Variants in CSMD1 observed in about 807,000 individuals in gnomAD.
The protein encoded by CSMD1 is CUB and sushi domain-containing protein 1.
CSMD1 carries 213 observed loss-of-function variants against 417.5 expected under a neutral mutation model. That is an observed-to-expected ratio of 0.51 (90% CI 0.46 to 0.57). CSMD1 has a LOEUF of 0.57. Ranked by LOEUF, CSMD1 falls within the 20% of genes least tolerant of loss-of-function variation. The pLI, the probability that CSMD1 is intolerant of heterozygous loss-of-function variation, is 0.00. For synonymous variants in CSMD1, 2,862 were observed against 1,736.8 expected, an observed-to-expected ratio of 1.65 and a Z score of -16.11; for missense variants, 6,923 against 4,529.7, an observed-to-expected ratio of 1.53 and a Z score of -15.17.
rs749624840 is a variant in CSMD1, at chr8:3,091,545, C to CTGG, written c.7253_7255dup (p.Thr2418dup). 1 of 1,606,846 alleles carries CTGG rather than the reference C, an allele frequency of 6.2e-7. No individual in the cohort carries two copies. Among genetic ancestry groups the CTGG allele is most frequent in the Non-Finnish European group, 8.5e-7 (1 of 1,178,332 alleles). ...ATAGCGAATCTTGAATCCTTTCTTA[C>CTGG]TGGTGGCATGGTCAGTGGACCAGCG... On this transcript the variant is annotated inframe_insertion, in exon 48 of 70. Coordinates refer to ENST00000635120, the MANE Select transcript of CSMD1 (RefSeq NM_033225.6).
intron 5 of CSMD1, among the ~76,000 whole-genome samples, chr8:3,777,916 C>G (rs13439845): frequency 6.7e-6 from 1 of 148,484 alleles, no homozygotes; most frequent in Non-Finnish European, 1.5e-5. Context: ...ACTCCAGACC[C>G]GCAGCCTCCT....
intron 27 of CSMD1, 138 bp downstream of exon 27, chr8:3,229,902 G>C: frequency 1.7e-6 from 1 of 588,064 alleles, no homozygotes; most frequent in Non-Finnish European, 2.8e-6. Context: ...TAAAATTTCA[G>C]GAGTCTCAGA....
At chr8:4,837,105 A>C (rs1285707891) in intron 1 of CSMD1, among the ~76,000 whole-genome samples, 1 of 152,148 alleles carries the variant, frequency 6.6e-6, no homozygotes, top group Non-Finnish European at 1.5e-5. Flanking sequence ...GGCTTCACTA[A>C]GTAATCTGAT....
chr8:3,833,702 T>A (rs1802500098), intron 5 of CSMD1, among the ~76,000 whole-genome samples: 1 of 152,178 alleles, frequency 6.6e-6, no homozygotes, highest in Non-Finnish European at 1.5e-5. Flanking sequence ...TCTTTCTGAC[T>A]GGTTACATAT....
At chr8:4,230,710 T>G (rs1801669768) in intron 3 of CSMD1, among the ~76,000 whole-genome samples, 1 of 152,202 alleles carries the variant, frequency 6.6e-6, no homozygotes, top group Non-Finnish European at 1.5e-5. Context: ...TCCTAGACCT[T>G]TAATGACTAT....
At chr8:3,757,072 G>A (rs1249261286) in intron 5 of CSMD1, among the ~76,000 whole-genome samples, 2 of 152,106 alleles carry the variant, frequency 1.3e-5, no homozygotes, top group Non-Finnish European at 2.9e-5. Flanking sequence ...CAGAGTGCTG[G>A]GATTACAGGC....
intron 37 of CSMD1, among the ~76,000 whole-genome samples, chr8:3,168,655 A>AG (rs1563105188): frequency 1.1e-3 from 174 of 151,614 alleles, no homozygotes; most frequent in Middle Eastern, 6.8e-3. Context: ...ACACACACAA[A>AG]TATATATATA....
At chr8:3,197,326 G>A (rs1472869662) in intron 33 of CSMD1, among the ~76,000 whole-genome samples, 5 of 152,160 alleles carry the variant, frequency 3.3e-5, no homozygotes, top group African/African-American at 1.2e-4. Context: ...CTGTTAACAA[G>A]GGTTAGCTAT....
chr8:4,638,378 G>A (rs910431101), intron 1 of CSMD1, among the ~76,000 whole-genome samples: 2 of 152,168 alleles, frequency 1.3e-5, no homozygotes, highest in Non-Finnish European at 2.9e-5. Flanking sequence ...GCCTGTGCTG[G>A]CAAATGTCTT....
At chr8:3,581,180 T>C (rs1368939010) in intron 9 of CSMD1, among the ~76,000 whole-genome samples, 1 of 152,204 alleles carries the variant, frequency 6.6e-6, no homozygotes, top group Non-Finnish European at 1.5e-5. Flanking sequence ...CTGAACATTT[T>C]ACTTAAAAAA....
chr8:3,121,720 G>C (rs941684065), intron 41 of CSMD1, among the ~76,000 whole-genome samples: 1 of 152,102 alleles, frequency 6.6e-6, no homozygotes, highest in Non-Finnish European at 1.5e-5. Context: ...GACTGCTTAA[G>C]GCCAGGAGTC....
At chr8:3,681,513 C>T (rs1330472879) in intron 7 of CSMD1, among the ~76,000 whole-genome samples, 1 of 152,132 alleles carries the variant, frequency 6.6e-6, no homozygotes, top group East Asian at 1.9e-4. Flanking sequence ...AGGAGAATTA[C>T]AAACCACTGC....
chr8:4,926,344 G>C lies in CSMD1; in HGVS notation c.85+67988C>G, dbSNP rs187986961. Among the ~76,000 whole-genome samples the C allele has an allele frequency of 1.2e-4, 19 of 152,216 alleles. No individual in the cohort carries two copies. The South Asian group carries it at 3.7e-3, about 30-fold the overall frequency. On this transcript the variant is annotated intron_variant, in intron 1 of 69. Transcript: ENST00000635120. ...CCTATAATTTTGTGTAATAACCTTT[G>C]CTCTGACCCCACCATGAACTCTTTA...
At chr8:4,486,119 A>C (rs1801366961) in intron 2 of CSMD1, among the ~76,000 whole-genome samples, 1 of 66,416 alleles carries the variant, frequency 1.5e-5, no homozygotes. Flanking sequence ...GTATATATAC[A>C]TACATATATA....
At chr8:4,976,518 G>T (rs1398870430) in intron 1 of CSMD1, among the ~76,000 whole-genome samples, 1 of 151,970 alleles carries the variant, frequency 6.6e-6, no homozygotes, top group Non-Finnish European at 1.5e-5. Context: ...TACCTCTGTG[G>T]CATGCCTAGC....
Position 3,514,457 on chromosome 8 carries a change from T to C in CSMD1, c.1345-20731A>G, listed in dbSNP as rs577149793. Among the ~76,000 whole-genome samples, 16 of 152,242 alleles carry C rather than the reference T, an allele frequency of 1.1e-4. No individual in the cohort carries two copies. The South Asian group carries it at 1.2e-3, about 12-fold the overall frequency. ...GTTATCCCCATCTGCTCACGGGTCA[T>C]CCCCACTGAAGAACCCAGGCTTCAA... is the stretch of plus-strand genomic sequence containing the variant. On this transcript the variant is annotated intron_variant, in intron 10 of 69. Coordinates refer to ENST00000635120, the MANE Select transcript of CSMD1 (RefSeq NM_033225.6).
At chr8:3,479,225 C>G (rs1413357876) in intron 11 of CSMD1, among the ~76,000 whole-genome samples, 1 of 152,148 alleles carries the variant, frequency 6.6e-6, no homozygotes, top group Non-Finnish European at 1.5e-5. Context: ...AAGGTACTTG[C>G]TTGCTAAAAT....
intron 3 of CSMD1, among the ~76,000 whole-genome samples, chr8:4,192,041 A>G (rs1237400747): frequency 1.3e-5 from 2 of 152,182 alleles, no homozygotes; most frequent in Non-Finnish European, 2.9e-5. Context: ...TCCTGCAACA[A>G]AAGTATTTGT....
chr8:3,201,341 C>T (rs745964668), intron 32 of CSMD1, among the ~76,000 whole-genome samples: 2 of 152,064 alleles, frequency 1.3e-5, no homozygotes, highest in Non-Finnish European at 2.9e-5. Flanking sequence ...GATTATCCCA[C>T]CCTCTTTTTC....
Sources: allele counts gnomAD v4.1 joint callset (sites outside exome capture counted in the v4.1 genomes callset), GRCh38; gene constraint gnomAD v4.1.1; transcripts MANE v1.5; gene names NCBI Gene and HGNC (gene_info 2026-07-23, HGNC 2026-07-21).